NRG2: variants seen among roughly 807,000 people sequenced by gnomAD.
The protein encoded by NRG2 is pro-neuregulin-2, membrane-bound isoform.
NRG2 carries 27 observed loss-of-function variants against 73.9 expected under a neutral mutation model. The ratio of observed to expected loss-of-function variants is 0.37; its 90% CI spans 0.27 to 0.50. The LOEUF (loss-of-function observed/expected upper bound fraction) is 0.50, where lower values mean the gene tolerates loss of function less well. Ranked by LOEUF, NRG2 falls within the 20% of genes least tolerant of loss-of-function variation. NRG2 has a pLI of 0.96. For synonymous variants in NRG2, 532 were observed against 541.0 expected, an observed-to-expected ratio of 0.98 and a Z score of 0.23; for missense variants, 1,126 against 1,210.1, an observed-to-expected ratio of 0.93 and a Z score of 1.03.
intron 1 of NRG2, among the ~76,000 whole-genome samples, chr5:140,038,488 C>A (rs754295489): frequency 6.6e-6 from 1 of 152,182 alleles, no homozygotes; most frequent in African/African-American, 2.4e-5. Flanking sequence ...ATGATTCTTT[C>A]GGAAGAAAGG....
intron 1 of NRG2, among the ~76,000 whole-genome samples, chr5:139,939,204 T>TTTCCTTCCTTCC (rs199952110): frequency 1.2e-3 from 158 of 133,968 alleles, no homozygotes; most frequent in Admixed American, 3.1e-3. Flanking sequence ...CAAAGATTTC[T>TTTCCTTCCTTCC]TTCCTTCCTT....
intron 4 of NRG2, among the ~76,000 whole-genome samples, chr5:139,867,791 TGTGTGTATGA>T (rs1294457900): frequency 0.011 from 1,464 of 135,448 alleles, 20 homozygotes; most frequent in African/African-American, 0.043. Flanking sequence ...TGTGTGTGTG[TGTGTGTATGA>T]GTGTGTGTGT....
At chr5:140,021,652 G>C (rs1236766909) in intron 1 of NRG2, among the ~76,000 whole-genome samples, 1 of 152,176 alleles carries the variant, frequency 6.6e-6, no homozygotes, top group Non-Finnish European at 1.5e-5. Flanking sequence ...AGTTCAGACA[G>C]AAGGGCCATG....
At chr5:139,863,208 G>C (rs1162009590) in intron 5 of NRG2, among the ~76,000 whole-genome samples, 2 of 152,224 alleles carry the variant, frequency 1.3e-5, no homozygotes, top group Non-Finnish European at 2.9e-5. Context: ...AGAGGCCCCA[G>C]AGCTAGTAAG....
intron 1 of NRG2, among the ~76,000 whole-genome samples, chr5:139,990,758 C>T (rs1757559239): frequency 6.6e-6 from 1 of 152,174 alleles, no homozygotes; most frequent in African/African-American, 2.4e-5. Context: ...TGATGTTAAA[C>T]ATCTCTCCAT....
intron 1 of NRG2, among the ~76,000 whole-genome samples, chr5:139,941,200 A>T (rs1232627731): frequency 6.6e-6 from 1 of 152,214 alleles, no homozygotes; most frequent in African/African-American, 2.4e-5. Flanking sequence ...GTTAAGAGCC[A>T]GGTATTAAAG....
At chr5:139,990,161 A>G (rs932271335) in intron 1 of NRG2, among the ~76,000 whole-genome samples, 1 of 152,052 alleles carries the variant, frequency 6.6e-6, no homozygotes, top group African/African-American at 2.4e-5. Flanking sequence ...TGTATGTGCA[A>G]GAATTTCTGT....
chr5:139,884,475 C>G (rs866284004), intron 2 of NRG2, among the ~76,000 whole-genome samples: 1 of 152,136 alleles, frequency 6.6e-6, no homozygotes, highest in South Asian at 2.1e-4. Context: ...CGGAAGAGCC[C>G]CAAGGCTGTA....
chr5:139,907,718 A>T (rs1765324147), intron 1 of NRG2, among the ~76,000 whole-genome samples: 1 of 152,152 alleles, frequency 6.6e-6, no homozygotes. Context: ...TCTAGTGCTG[A>T]GGGAGGTTGG....
rs1041529271 is a variant in NRG2, at chr5:139,855,258, C to T, written c.1292+418G>A. ...CACTACCTAGTACCTGCCCACTTGA[C>T]GGGGCACCTGCTCCAGGAGCCTGTG... is the stretch of plus-strand genomic sequence containing the variant. On this transcript the variant is annotated intron_variant, in intron 6 of 9. Transcript: ENST00000361474. Among the ~76,000 whole-genome samples the T allele has an allele frequency of 4.6e-5, 7 of 152,306 alleles. No individual in the cohort carries two copies. The South Asian group carries it at 6.2e-4, about 14-fold the overall frequency.
chr5:139,923,136 A>G (rs1206221764), intron 1 of NRG2, among the ~76,000 whole-genome samples: 2 of 152,166 alleles, frequency 1.3e-5, no homozygotes, highest in South Asian at 2.1e-4. Context: ...AGGTTCGTCA[A>G]TTGTAACAAA....
At chr5:139,926,643 T>C (rs1438845101) in intron 1 of NRG2, among the ~76,000 whole-genome samples, 1 of 152,188 alleles carries the variant, frequency 6.6e-6, no homozygotes, top group Non-Finnish European at 1.5e-5. Flanking sequence ...TTCTGCTTCC[T>C]TACATCCTTA....
At chr5:139,945,144 C>A (rs1034811527) in intron 1 of NRG2, among the ~76,000 whole-genome samples, 2 of 152,034 alleles carry the variant, frequency 1.3e-5, no homozygotes, top group African/African-American at 4.8e-5. Flanking sequence ...CTCATATATT[C>A]TGGATAGTAA....
chr5:139,878,169 C>T (rs1435516116), intron 3 of NRG2, among the ~76,000 whole-genome samples: 1 of 152,274 alleles, frequency 6.6e-6, no homozygotes, highest in Non-Finnish European at 1.5e-5. Flanking sequence ...TCTCTGCTAA[C>T]AGCACCCCTT....
intron 1 of NRG2, among the ~76,000 whole-genome samples, chr5:140,026,132 T>C (rs1760670137): frequency 6.6e-6 from 1 of 152,258 alleles, no homozygotes; most frequent in African/African-American, 2.4e-5. Flanking sequence ...CACTAAAGGA[T>C]ACAAATGTAA....
At chr5:139,911,872 C>A (rs530116137) in intron 1 of NRG2, among the ~76,000 whole-genome samples, 1 of 152,278 alleles carries the variant, frequency 6.6e-6, no homozygotes, top group Admixed American at 6.5e-5. Context: ...TATGTAAGTA[C>A]CTAATTTATT....
intron 1 of NRG2, among the ~76,000 whole-genome samples, chr5:139,969,994 C>G (rs1755851159): frequency 6.6e-6 from 1 of 152,164 alleles, no homozygotes; most frequent in Admixed American, 6.5e-5. Flanking sequence ...CCTCACTTTA[C>G]AAGTATTATT....
At chr5:139,898,443 T>C (rs1459004855) in intron 1 of NRG2, among the ~76,000 whole-genome samples, 2 of 152,322 alleles carry the variant, frequency 1.3e-5, no homozygotes, top group African/African-American at 2.4e-5. Flanking sequence ...AGTTTCTCCA[T>C]CTTTACAGTG....
Position 139,887,621 on chromosome 5 carries a change from G to T in NRG2, c.701-110C>A, listed in dbSNP as rs1763953361. The T allele has an allele frequency of 3.1e-6, 3 of 963,672 alleles. No individual in the cohort carries two copies. Among genetic ancestry groups the T allele is most frequent in the East Asian group, 2.6e-5 (1 of 38,064 alleles). The allele number at this position is 963,672 out of a possible 1,614,324, so 59.7% of individuals were successfully genotyped here. A position where few individuals can be genotyped will look rare whatever the true frequency, so the allele number is the denominator to read the frequency against. ...TTTGGGCTGGAACTGGGGAAGGGAAGGGTGATCCTGAGAGCCACCCCTCCT... is the reference window on the plus strand; with the variant it reads ...TTTGGGCTGGAACTGGGGAAGGGAATGGTGATCCTGAGAGCCACCCCTCCT... On this transcript the variant is annotated intron_variant, in intron 1 of 9. Coordinates refer to ENST00000361474, the MANE Select transcript of NRG2 (RefSeq NM_004883.3). This position sits in a 1 kb window ranked among gnomAD's most constrained non-coding sequence, Gnocchi z 4.5.
Sources: gnomAD v4.1 joint callset for allele counts (sites outside exome capture counted in the v4.1 genomes callset) on GRCh38, gnomAD v4.1.1 for gene constraint, Gnocchi (gnomAD v3.1) non-coding constraint, MANE v1.5 for transcripts, NCBI Gene and HGNC (gene_info 2026-07-23, HGNC 2026-07-21) for gene names.